Variants in ESRRB observed in about 807,000 individuals in gnomAD.
ESRRB encodes steroid hormone receptor ERR2.
A neutral mutation model predicts 46.0 loss-of-function variants in ESRRB; 16 were observed. The ratio of observed to expected loss-of-function variants is 0.35; its 90% CI spans 0.24 to 0.53. The LOEUF is 0.53. ESRRB is among the 20% of genes least tolerant of loss of function. The pLI is 0.93. For synonymous variants in ESRRB, 246 were observed against 259.6 expected (o/e 0.95, Z 0.50); for missense variants, 488 against 607.4 (o/e 0.80, Z 2.07).
chr14:76,445,065 G>A (rs1160673405), intron 2 of ESRRB, among the ~76,000 whole-genome samples: 1 of 151,846 alleles, frequency 6.6e-6, no homozygotes, highest in African/African-American at 2.4e-5. Flanking sequence ...CCTGCTTCTT[G>A]GGAGGCTGAA....
intron 1 of ESRRB, among the ~76,000 whole-genome samples, chr14:76,361,805 G>T (rs900727138): frequency 6.6e-6 from 1 of 152,206 alleles, no homozygotes; most frequent in African/African-American, 2.4e-5. Context: ...CAGGCATTGG[G>T]TTATGTGGTT....
intron 3 of ESRRB, among the ~76,000 whole-genome samples, chr14:76,469,940 T>C (rs1566603843): frequency 8.3e-6 from 1 of 120,970 alleles, no homozygotes; most frequent in Non-Finnish European, 1.8e-5. Flanking sequence ...TTTTTTTTTT[T>C]TTTCTTTTTT....
chr14:76,347,445 C>A (rs1884265907), intron 1 of ESRRB, among the ~76,000 whole-genome samples: 1 of 20,692 alleles, frequency 4.8e-5, no homozygotes, highest in African/African-American at 1.2e-4. Flanking sequence ...CACACACACA[C>A]ACCGAGAAAA....
At chr14:76,446,377 T>G (rs3742755) in intron 2 of ESRRB, among the ~76,000 whole-genome samples, 3,058 of 151,762 alleles carry the variant, frequency 0.02, 70 homozygotes, top group African/African-American at 0.052. Context: ...TCGTTTTTTT[T>G]TTTTGTTTTG....
intron 2 of ESRRB, among the ~76,000 whole-genome samples, chr14:76,448,590 C>T (rs1313638592): frequency 6.6e-6 from 1 of 151,872 alleles, no homozygotes; most frequent in Non-Finnish European, 1.5e-5. Context: ...CCAGCCTCGT[C>T]CTCCCAAAGT....
intron 2 of ESRRB, among the ~76,000 whole-genome samples, chr14:76,456,139 T>C (rs1001869020): frequency 1.3e-5 from 2 of 152,172 alleles, no homozygotes; most frequent in African/African-American, 4.8e-5. Flanking sequence ...CTTTGTCTTG[T>C]AGCTCCTGCT....
At chr14:76,391,580 G>A (rs777379983) in intron 1 of ESRRB, among the ~76,000 whole-genome samples, 2 of 152,264 alleles carry the variant, frequency 1.3e-5, no homozygotes, top group Non-Finnish European at 2.9e-5. Context: ...GCAGCGTTGA[G>A]AGTGAAGCCC....
intron 1 of ESRRB, among the ~76,000 whole-genome samples, chr14:76,438,884 T>G (rs1887785034): frequency 6.6e-6 from 1 of 152,006 alleles, no homozygotes; most frequent in African/African-American, 2.4e-5. Flanking sequence ...CACTACAGCC[T>G]TAAACTCCTG....
chr14:76,310,852 A>G, exon 1 of ESRRB: 2 of 455,398 alleles, frequency 4.4e-6, no homozygotes, highest in Admixed American at 2.4e-5. Context: ...AGCAACTGAA[A>G]GCACCTGAGG....
rs151105286 is a variant in ESRRB at position 76,348,427 on chromosome 14, T to C, written c.2+37511T>C. The stretch of plus-strand genomic sequence containing the variant: ...GGCTGGTTTCTTAGTATTCTTTCCT[T>C]GTGTCTAAAATGTAAGTCAGGAAAG... On this transcript the variant is annotated intron_variant, in intron 1 of 6. Coordinates refer to the ESRRB transcript ENST00000512784. 3.1e-3 allele frequency among the ~76,000 whole-genome samples: 473 copies of C among 152,322 alleles called. 5 individuals carry two copies. Among genetic ancestry groups the C allele is most frequent in the African/African-American group, 0.011 (454 of 41,578 alleles).
At chr14:76,437,703 C>T (rs1026255051) in intron 1 of ESRRB, among the ~76,000 whole-genome samples, 1 of 152,158 alleles carries the variant, frequency 6.6e-6, no homozygotes, top group South Asian at 2.1e-4. Context: ...ACCCTCAGAC[C>T]CAATCCTGGC....
intron 6 of ESRRB, among the ~76,000 whole-genome samples, chr14:76,496,752 TG>T: frequency 6.6e-6 from 1 of 152,102 alleles, no homozygotes; most frequent in African/African-American, 2.4e-5. Context: ...ATGACTCAGG[TG>T]TGGCTCCAGT....
At chr14:76,437,933 C>T (rs1033530790) in intron 1 of ESRRB, among the ~76,000 whole-genome samples, 5 of 152,098 alleles carry the variant, frequency 3.3e-5, no homozygotes, top group African/African-American at 1.2e-4. Context: ...TTATCCCACA[C>T]AGTGATCTTG....
chr14:76,490,807 G>T (rs1412434893), intron 5 of ESRRB, among the ~76,000 whole-genome samples: 1 of 152,202 alleles, frequency 6.6e-6, no homozygotes, highest in Non-Finnish European at 1.5e-5. Context: ...GGGAAGAGGG[G>T]CTCCGACCCT....
intron 5 of ESRRB, among the ~76,000 whole-genome samples, chr14:76,489,476 CA>C (rs1890137469): frequency 6.6e-6 from 1 of 151,770 alleles, no homozygotes; most frequent in African/African-American, 2.4e-5. Context: ...CACACACACA[CA>C]CACCCTGATC....
intron 3 of ESRRB, 104 bp from the exon 4 acceptor site, chr14:76,481,912 C>A: frequency 9.8e-7 from 1 of 1,021,400 alleles, no homozygotes; most frequent in Non-Finnish European, 1.5e-6. Flanking sequence ...GTCATCCGAG[C>A]AAGGCCCTGA....
At chr14:76,375,586 G>C (rs552768630), upstream of ESRRB, among the ~76,000 whole-genome samples, 13 of 152,288 alleles carry the variant, frequency 8.5e-5, no homozygotes, top group South Asian at 2.7e-3. Flanking sequence ...AGAACTGACT[G>C]GCCCAGGTGA....
At chr14:76,325,819 C>T (rs1435451290) in intron 1 of ESRRB, among the ~76,000 whole-genome samples, 4 of 152,202 alleles carry the variant, frequency 2.6e-5, no homozygotes, top group East Asian at 1.9e-4. Context: ...CGCGCTGGCC[C>T]GCAGTAACTC....
intron 1 of ESRRB, among the ~76,000 whole-genome samples, chr14:76,436,888 TG>T (rs925150525): frequency 4.6e-5 from 7 of 152,186 alleles, no homozygotes; most frequent in African/African-American, 1.7e-4. Flanking sequence ...CACTGCATTT[TG>T]GGAGTTGGTG....
Sources: allele counts gnomAD v4.1 joint callset (sites outside exome capture counted in the v4.1 genomes callset), GRCh38; gene constraint gnomAD v4.1.1; transcripts MANE v1.5; gene names NCBI Gene and HGNC (gene_info 2026-07-23, HGNC 2026-07-21).